Variants in RGPD4 observed in about 807,000 individuals in gnomAD.
RGPD4 encodes RANBP2 like and GRIP domain containing 4.
A neutral mutation model predicts 141.1 loss-of-function variants in RGPD4; 84 were observed. The observed-to-expected ratio is 0.60, with a 90% CI of 0.50 to 0.71. The LOEUF (loss-of-function observed/expected upper bound fraction) is 0.71, where lower values mean the gene tolerates loss of function less well. RGPD4 is among the 30% of genes least tolerant of loss of function. The pLI is 0.00. For missense variants in RGPD4, 918 were observed against 1,622.4 expected (o/e 0.57, Z 7.46); for synonymous variants, 298 against 566.8 (o/e 0.53, Z 6.74).
intron 20 of RGPD4, among the ~76,000 whole-genome samples, chr2:107,875,289 C>T (rs1229842406): frequency 3.4e-5 from 2 of 58,420 alleles, no homozygotes; most frequent in African/African-American, 2.1e-4. Context: ...TCATTATGTC[C>T]AGAATATCAT....
At chr2:107,857,270 G>A (rs551477421) in intron 9 of RGPD4, among the ~76,000 whole-genome samples, 7 of 151,506 alleles carry the variant, frequency 4.6e-5, no homozygotes, top group South Asian at 2.1e-4. Flanking sequence ...CCCAAGTAGC[G>A]GGATTACAAA....
At chr2:107,827,583 G>A (rs867723948) in intron 1 of RGPD4, among the ~76,000 whole-genome samples, 18 of 43,140 alleles carry the variant, frequency 4.2e-4, no homozygotes, top group Admixed American at 5.4e-4. Context: ...CTGTTGAGGC[G>A]GCGGCCTCGA....
chr2:107,881,908 T>C (rs1675376943), intron 21 of RGPD4, among the ~76,000 whole-genome samples: 1 of 151,926 alleles, frequency 6.6e-6, no homozygotes, highest in South Asian at 2.1e-4. Flanking sequence ...TTAAGTGCCG[T>C]TCACTGTGGA....
At chr2:107,852,667 C>T (rs1418158920) in intron 7 of RGPD4, among the ~76,000 whole-genome samples, 4 of 63,948 alleles carry the variant, frequency 6.3e-5, no homozygotes, top group African/African-American at 3.1e-4. Context: ...TTACTTTCTC[C>T]ACCCCCAAAG....
intron 1 of RGPD4, among the ~76,000 whole-genome samples, chr2:107,827,630 T>G (rs1188007623): frequency 4.2e-5 from 2 of 47,212 alleles, no homozygotes; most frequent in East Asian, 7.2e-4. Flanking sequence ...TCAGGCGTCA[T>G]GGCTCCCGAC....
intron 22 of RGPD4, among the ~76,000 whole-genome samples, chr2:107,883,844 G>T (rs1193524682): frequency 1.3e-5 from 2 of 151,998 alleles, no homozygotes; most frequent in Non-Finnish European, 2.9e-5. Flanking sequence ...CAAGGAAGGC[G>T]CTATAATCTC....
In RGPD4 at chr2:107,890,879, G is replaced by A. The variant is rs1271290756; in HGVS notation, c.*148G>A. 2 of 764,270 alleles carry A rather than the reference G, an allele frequency of 2.6e-6. No individual in the cohort carries two copies. Among genetic ancestry groups the A allele is most frequent in the Non-Finnish European group, 4.3e-6 (2 of 466,664 alleles). 47.3% of individuals were successfully genotyped at this position (764,270 alleles called of 1,614,324 possible). On this transcript the variant is annotated 3_prime_UTR_variant, in exon 23 of 23. Coordinates refer to ENST00000408999, the MANE Select transcript of RGPD4 (RefSeq NM_182588.3). ...ATTACCATCATTCTTTTGTCAAAAA[G>A]TGTGTATATGTTTGCATTTACATAT... is the stretch of plus-strand genomic sequence containing the variant.
intron 6 of RGPD4, among the ~76,000 whole-genome samples, chr2:107,844,830 G>GTTTTTTTTTTTTTT (rs1222283120): frequency 2.3e-4 from 6 of 26,174 alleles, no homozygotes; most frequent in East Asian, 7.2e-4. Context: ...TTTCTTTTTT[G>GTTTTTTTTTTTTTT]TTTTTTTTTT....
chr2:107,845,496 G>A (rs1360879278), intron 6 of RGPD4, among the ~76,000 whole-genome samples: 1 of 149,988 alleles, frequency 6.7e-6, no homozygotes, highest in Non-Finnish European at 1.5e-5. Flanking sequence ...GACCATGAGG[G>A]GTTACTTGGG....
Position 107,892,192 on chromosome 2 carries a change from C to T in RGPD4, c.*1461C>T, listed in dbSNP as rs1184225771. On this transcript the variant is annotated 3_prime_UTR_variant, in exon 23 of 23. Transcript: ENST00000408999. ...AAAATATCTCATATGTCTCGTCTTT[C>T]CTCCTTAGAAGAACAGACCTAACTA... Among the ~76,000 whole-genome samples the T allele has an allele frequency of 1.1e-4, 6 of 52,980 alleles. 3 individuals are homozygous for T. Among genetic ancestry groups the T allele is most frequent in the Non-Finnish European group, 2.3e-4 (6 of 26,374 alleles). 34.8% of individuals were successfully genotyped at this position (52,980 alleles called of 152,430 possible).
At position 107,891,381 on chromosome 2, in the gene RGPD4, ATTG is replaced by A. The variant is rs1309242765; in HGVS notation, c.*654_*656del. On this transcript the variant is annotated 3_prime_UTR_variant, in exon 23 of 23. Coordinates refer to ENST00000408999, the MANE Select transcript of RGPD4 (RefSeq NM_182588.3). ...AGGTCAGATTTACAGATTGTTATAAATTGTTGAGAAATTTTTGTGATTAGAATA... is the reference window on the plus strand; with the variant it reads ...AGGTCAGATTTACAGATTGTTATAAATTGAGAAATTTTTGTGATTAGAATA... Among the ~76,000 whole-genome samples the A allele has an allele frequency of 9.6e-6, 1 of 104,438 alleles. No individual in the cohort carries two copies. Among genetic ancestry groups the A allele is most frequent in the Non-Finnish European group, 2.0e-5 (1 of 50,810 alleles). The allele number at this position is 104,438 out of a possible 152,430, so 68.5% of individuals were successfully genotyped here.
intron 1 of RGPD4, among the ~76,000 whole-genome samples, chr2:107,833,471 T>A (rs1267362203): frequency 6.6e-6 from 1 of 150,520 alleles, no homozygotes; most frequent in African/African-American, 2.5e-5. Flanking sequence ...AAAGAAGTAC[T>A]GCTTGAATCA....
At chr2:107,883,141 G>T in intron 22 of RGPD4, 1 of 655,190 alleles carries the variant, frequency 1.5e-6, no homozygotes, top group Non-Finnish European at 2.8e-6. Context: ...TTTTATCCTG[G>T]TGTTGCGTTC....
chr2:107,874,619 G>A (rs1270769021), intron 20 of RGPD4, among the ~76,000 whole-genome samples: 1 of 150,974 alleles, frequency 6.6e-6, no homozygotes, highest in Non-Finnish European at 1.5e-5. Flanking sequence ...ATGTATACTT[G>A]CGTACAGTTT....
chr2:107,846,135 C>T (rs1681933944), intron 6 of RGPD4, among the ~76,000 whole-genome samples: 1 of 146,308 alleles, frequency 6.8e-6, no homozygotes, highest in Non-Finnish European at 1.5e-5. Flanking sequence ...ACTGTGTTAG[C>T]CAGGATGGTC....
chr2:107,826,915 C>T lies in RGPD4; in HGVS notation c.-99C>T, dbSNP rs915247701. ...TCACAGTGGTCCTCCGCCGGCTACG[C>T]GGAGTCAGTGGCTTTCAGGCGCTTT... is the stretch of plus-strand genomic sequence containing the variant. On this transcript the variant is annotated 5_prime_UTR_variant, in exon 1 of 23. Coordinates refer to ENST00000408999, the MANE Select transcript of RGPD4 (RefSeq NM_182588.3). 2.0e-5 allele frequency: 31 copies of T among 1,545,970 alleles called. No homozygotes were observed. The highest frequency in any genetic ancestry group is 5.9e-5 in the Admixed American group (3 of 50,790).
chr2:107,855,422 T>C (rs1323635361), intron 8 of RGPD4, among the ~76,000 whole-genome samples: 1 of 150,836 alleles, frequency 6.6e-6, no homozygotes, highest in Non-Finnish European at 1.5e-5. Flanking sequence ...ACTTTCTACT[T>C]TTTTCCTTTT....
At chr2:107,865,248 A>G (rs1365831940) in intron 17 of RGPD4, among the ~76,000 whole-genome samples, 70 of 152,206 alleles carry the variant, frequency 4.6e-4, no homozygotes, top group Non-Finnish European at 7.2e-4. Flanking sequence ...TGTAGATAGT[A>G]TAAAAATTAA....
rs1681368082 is a variant in RGPD4, at chr2:107,829,248, G to T, written c.72+2163G>T. Among the ~76,000 whole-genome samples the T allele has an allele frequency of 7.1e-5, 2 of 28,132 alleles. 1 individual carries two copies. The highest frequency in any genetic ancestry group is 2.8e-4 in the African/African-American group (2 of 7,164). The allele number at this position is 28,132 out of a possible 152,430, so 18.5% of individuals were successfully genotyped here. A position where few individuals can be genotyped will look rare whatever the true frequency, so the allele number is the denominator to read the frequency against. ...CTCCCGACGGGCGCTGCTCCCTGGC[G>T]CGCTCTGTTGAGGCGGCGGCCTTGA... is the stretch of plus-strand genomic sequence containing the variant. On this transcript the variant is annotated intron_variant, in intron 1 of 22. Coordinates refer to ENST00000408999, the MANE Select transcript of RGPD4 (RefSeq NM_182588.3).
Sources: allele counts gnomAD v4.1 joint callset (sites outside exome capture counted in the v4.1 genomes callset), GRCh38; gene constraint gnomAD v4.1.1; transcripts MANE v1.5; gene names NCBI Gene and HGNC (gene_info 2026-07-23, HGNC 2026-07-21).